SPINK5: variants seen among roughly 807,000 people sequenced by gnomAD.
The protein encoded by SPINK5 is serine protease inhibitor Kazal-type 5.
A neutral mutation model predicts 151.8 loss-of-function variants in SPINK5; 125 were observed. The ratio of observed to expected loss-of-function variants is 0.82; its 90% CI spans 0.71 to 0.96. The LOEUF is 0.96. Ranked by LOEUF, SPINK5 falls within the 40% of genes least tolerant of loss-of-function variation. The probability of loss-of-function intolerance (pLI) is 0.00; values close to 1 mark genes in which losing one functional copy is unlikely to be tolerated. For synonymous variants in SPINK5, 374 were observed against 395.3 expected (o/e 0.95, Z 0.64); for missense variants, 1,194 against 1,291.9 (o/e 0.92, Z 1.16).
chr5:148,131,967 C>T lies in SPINK5; in HGVS notation c.3095+578C>T, dbSNP rs561005393. Among the ~76,000 whole-genome samples the T allele has an allele frequency of 6.6e-5, 10 of 152,264 alleles. No individual in the cohort carries two copies. In the South Asian group the frequency reaches 2.1e-3, roughly 32 times the overall value. On this transcript the variant is annotated intron_variant, in intron 31 of 32. Transcript: ENST00000256084. Reference sequence around the variant, plus strand: ...TCTGGAGGCATATTATTTCATGATTCTGAATCTCACTCCCTTCATTGGAGA... The same window carrying T: ...TCTGGAGGCATATTATTTCATGATTTTGAATCTCACTCCCTTCATTGGAGA...
At chr5:148,122,399 C>T (rs897708549) in intron 26 of SPINK5, among the ~76,000 whole-genome samples, 7 of 152,094 alleles carry the variant, frequency 4.6e-5, no homozygotes, top group Non-Finnish European at 8.8e-5. Flanking sequence ...TGTTTGTTTA[C>T]GGACATCACA....
intron 1 of SPINK5, 61 bp downstream of exon 1, chr5:148,064,160 A>C: frequency 6.3e-7 from 1 of 1,597,202 alleles, no homozygotes; most frequent in Non-Finnish European, 8.6e-7. Context: ...TGGGGAAGGG[A>C]CTTTTCTCCC....
intron 10 of SPINK5, among the ~76,000 whole-genome samples, chr5:148,097,169 T>C (rs1178992129): frequency 1.3e-5 from 2 of 151,836 alleles, no homozygotes; most frequent in African/African-American, 2.4e-5. Flanking sequence ...CCCTAGTTAA[T>C]CAAATCCTCC....
intron 18 of SPINK5, among the ~76,000 whole-genome samples, chr5:148,109,043 GATCA>G (rs1227256990): frequency 6.7e-6 from 1 of 149,442 alleles, no homozygotes; most frequent in African/African-American, 2.5e-5. Flanking sequence ...GCAGGAGAGA[GATCA>G]ATCACCATTT....
chr5:148,130,701 A>C (rs1581113101), intron 30 of SPINK5, among the ~76,000 whole-genome samples: 1 of 152,178 alleles, frequency 6.6e-6, no homozygotes, highest in Non-Finnish European at 1.5e-5. Flanking sequence ...GTTAAGCATG[A>C]ACTTACATGC....
intron 12 of SPINK5, 83 bp from the exon 13 acceptor site, chr5:148,100,371 G>T: frequency 7.0e-7 from 1 of 1,420,074 alleles, no homozygotes; most frequent in Non-Finnish European, 9.9e-7. Context: ...TGTAACATTA[G>T]TTTCTGCCAA....
chr5:148,088,835 T>TAAA (rs397777404), intron 6 of SPINK5, among the ~76,000 whole-genome samples: 2 of 146,424 alleles, frequency 1.4e-5, no homozygotes, highest in African/African-American at 2.5e-5. Context: ...CTGCTTTGTA[T>TAAA]AAAAAAAAAA....
intron 32 of SPINK5, 63 bp downstream of exon 32, chr5:148,133,950 G>C: frequency 1.3e-6 from 2 of 1,551,784 alleles, no homozygotes; most frequent in Non-Finnish European, 1.8e-6. Flanking sequence ...TTCTGGTTTT[G>C]TTCTCTTCCA....
chr5:148,081,351 A>G (rs1382383651), intron 4 of SPINK5, among the ~76,000 whole-genome samples: 1 of 151,756 alleles, frequency 6.6e-6, no homozygotes, highest in Non-Finnish European at 1.5e-5. Context: ...GTTCTAAACT[A>G]AAAACAATCC....
chr5:148,093,651 T>C (rs1160494683), intron 8 of SPINK5, among the ~76,000 whole-genome samples: 1 of 151,504 alleles, frequency 6.6e-6, no homozygotes, highest in Non-Finnish European at 1.5e-5. Context: ...TTCTCACAAC[T>C]TTTTTTTCTT....
intron 7 of SPINK5, among the ~76,000 whole-genome samples, chr5:148,090,357 C>T (rs1753276815): frequency 6.6e-6 from 1 of 151,780 alleles, no homozygotes; most frequent in Non-Finnish European, 1.5e-5. Flanking sequence ...TTGTAGAATT[C>T]AAGGACATGT....
chr5:148,108,909 C>T, intron 18 of SPINK5, 72 bp downstream of exon 18: 1 of 1,595,722 alleles, frequency 6.3e-7, no homozygotes. Flanking sequence ...CTCCTATTCC[C>T]TCCTCCTCAT....
intron 4 of SPINK5, among the ~76,000 whole-genome samples, chr5:148,076,794 T>C (rs1316754052): frequency 6.6e-6 from 1 of 151,564 alleles, no homozygotes; most frequent in African/African-American, 2.4e-5. Context: ...CAATGAAAAT[T>C]CTGGAGTTGA....
chr5:148,080,878 T>C (rs1005629358), intron 4 of SPINK5, among the ~76,000 whole-genome samples: 2 of 151,406 alleles, frequency 1.3e-5, no homozygotes, highest in Admixed American at 6.6e-5. Context: ...GGGAGAAAAA[T>C]AGTCACAACC....
intron 20 of SPINK5, among the ~76,000 whole-genome samples, 160 bp downstream of exon 20, chr5:148,113,094 T>G (rs537309529): frequency 5.5e-4 from 83 of 152,280 alleles, no homozygotes; most frequent in South Asian, 2.9e-3. Context: ...AGATAGCAGA[T>G]ATTTCTGTTT....
intron 4 of SPINK5, among the ~76,000 whole-genome samples, chr5:148,077,529 A>G (rs1353329530): frequency 6.6e-6 from 1 of 150,820 alleles, no homozygotes; most frequent in Non-Finnish European, 1.5e-5. Context: ...GGACCTACAG[A>G]CAGAAATGAA....
rs6863918 is a variant in SPINK5, at chr5:148,114,805, T to C, written c.2015+316T>C. On this transcript the variant is annotated intron_variant, in intron 21 of 32. Transcript: ENST00000256084. The stretch of plus-strand genomic sequence containing the variant: ...TTTCTCTGGATTATCTCGCAACTCA[T>C]GTTGGAAAGAAAACACACAGATTTT... Among the ~76,000 whole-genome samples the C allele has an allele frequency of 0.046, 6,948 of 152,232 alleles. 535 individuals are homozygous for C. The highest frequency in any genetic ancestry group is 0.16 in the African/African-American group (6,599 of 41,484).
chr5:148,126,001 A>G (rs1581108807), intron 29 of SPINK5, 151 bp downstream of exon 29: 1 of 1,221,390 alleles, frequency 8.2e-7, no homozygotes, highest in East Asian at 2.4e-5. Flanking sequence ...AACACCTGAT[A>G]TAGTAGAAAG....
chr5:148,112,911 A>C lies in SPINK5; in HGVS notation c.1864A>C (p.Lys622Gln), dbSNP rs369076055. 3 of 1,613,820 alleles carry C rather than the reference A, an allele frequency of 1.9e-6. No individual in the cohort carries two copies. Among genetic ancestry groups the C allele is most frequent in the Non-Finnish European group, 2.5e-6 (3 of 1,179,892 alleles). ...AAAAGAAAGAGCTGAACCCAGAGCA[A>C]AAGTCAAAAGAGAAGCTGAAAAGGT... ...KEKERAEPRA[K>Q]VKREAEKETC... The change falls in exon 20 of 33, where the codon AAA becomes CAA. Residue 622 changes from lysine to glutamine, a missense_variant. Coordinates refer to ENST00000256084, the MANE Select transcript of SPINK5 (RefSeq NM_006846.4).
Sources: gnomAD v4.1 joint callset for allele counts (sites outside exome capture counted in the v4.1 genomes callset) on GRCh38, gnomAD v4.1.1 for gene constraint, MANE v1.5 for transcripts, NCBI Gene and HGNC (gene_info 2026-07-23, HGNC 2026-07-21) for gene names.